Variants in ZNF404 observed in about 807,000 individuals in gnomAD.
The protein encoded by ZNF404 is zinc finger protein 404.
Under a neutral mutation model 7.3 loss-of-function variants are expected in ZNF404, and 7 were observed. The ratio of observed to expected loss-of-function variants is 0.95; its 90% CI spans 0.54 to 1.79. The LOEUF (loss-of-function observed/expected upper bound fraction) is 1.79. Ranked by LOEUF, ZNF404 falls within the 40% of genes most tolerant of loss-of-function variation. The pLI is 0.00. For missense variants in ZNF404, 560 were observed against 661.5 expected, an observed-to-expected ratio of 0.85 and a Z score of 1.68; for synonymous variants, 191 against 209.9, an observed-to-expected ratio of 0.91 and a Z score of 0.78.
In ZNF404 at chr19:43,875,493, A is replaced by G. The variant is rs535385222; in HGVS notation, c.137-1416T>C. 3.3e-5 allele frequency among the ~76,000 whole-genome samples: 5 copies of G among 152,302 alleles called. No individual in the cohort carries two copies. The East Asian group carries it at 9.6e-4, about 29-fold the overall frequency. ...TTTCAGGAATTGCACGAATTAATAT[A>G]TTGAAAGGCTTATCAAAGTCAAAGC... On this transcript the variant is annotated intron_variant, in intron 2 of 2. Transcript: ENST00000587539.
rs58002838 is a variant in ZNF404, at chr19:43,878,816, A to G, written c.136+1194T>C. Among the ~76,000 whole-genome samples, 70 of 152,336 alleles carry G rather than the reference A, an allele frequency of 4.6e-4. 1 individual carries two copies. In the East Asian group the frequency reaches 0.013, roughly 29 times the overall value. On this transcript the variant is annotated intron_variant, in intron 2 of 2. Coordinates refer to ENST00000587539, the MANE Select transcript of ZNF404 (RefSeq NM_001033719.3). ...AGCGTTTACAAAGAGGTAGCTGAGCATTATCAAACTGAAAACCAGCAGTGA... is the reference window on the plus strand; with the variant it reads ...AGCGTTTACAAAGAGGTAGCTGAGCGTTATCAAACTGAAAACCAGCAGTGA...
chr19:43,881,683 GCGATGGCTCACCCCTGTAATCCCAGCA>G (rs1415838337), intron 1 of ZNF404: 2 of 151,820 alleles, frequency 1.3e-5, no homozygotes, highest in Non-Finnish European at 2.9e-5. Flanking sequence ...GAGGCCAGGT[GCGATGGCTCACCCCTGTAATCCCAGCA>G]CTTTCGGAGG....
In ZNF404 at chr19:43,875,680, T is replaced by A. The variant is rs537529223; in HGVS notation, c.137-1603A>T. Among the ~76,000 whole-genome samples, 4 of 152,170 alleles carry A rather than the reference T, an allele frequency of 2.6e-5. No individual in the cohort carries two copies. The South Asian group carries it at 8.3e-4, about 32-fold the overall frequency. On this transcript the variant is annotated intron_variant, in intron 2 of 2. Transcript: ENST00000587539. ...TTTGAAATCTAATATGCTAAATGGG[T>A]CAAGTATTGAAAACAAGTGGAATTC...
intron 2 of ZNF404, among the ~76,000 whole-genome samples, chr19:43,877,065 G>T (rs1971854344): frequency 1.3e-5 from 2 of 152,070 alleles, no homozygotes; most frequent in Admixed American, 6.6e-5. Context: ...AAAATCTATA[G>T]TTTTGCTAAT....
Position 43,880,028 on chromosome 19 carries a change from T to C in ZNF404, c.118A>G (p.Thr40Ala). The change falls in exon 2 of 3, where the codon ACT becomes GCT. Residue 40 changes from threonine (T) to alanine (A), a missense_variant. Thr to Ala is a moderately conservative substitution (Grantham distance 58, BLOSUM62 0). Transcript: ENST00000587539. ...LYRDVMLENY[T>A]NLVSLDFNFT... is the part of the protein sequence containing the mutation. ...TTCTTACCCAATGAGACCAAGTTAG[T>C]ATAATTCTCCAACATCACATCTCTG... The C allele has an allele frequency of 6.2e-7, 1 of 1,613,760 alleles. No homozygotes were observed. Among genetic ancestry groups the C allele is most frequent in the Non-Finnish European group, 8.5e-7 (1 of 1,179,720 alleles).
At chr19:43,883,888 A>G in intron 1 of ZNF404, 68 bp downstream of exon 1, 1 of 1,562,752 alleles carries the variant, frequency 6.4e-7, no homozygotes, top group South Asian at 1.1e-5. Flanking sequence ...CAGGATTAAA[A>G]AAATGAAAAT....
intron 1 of ZNF404, among the ~76,000 whole-genome samples, chr19:43,882,432 T>C (rs1221249377): frequency 2.0e-5 from 3 of 152,138 alleles, no homozygotes; most frequent in Middle Eastern, 6.8e-3. Context: ...TACATAAGCT[T>C]GGGGTGAGGC....
At chr19:43,878,793 C>T (rs947323494) in intron 2 of ZNF404, among the ~76,000 whole-genome samples, 2 of 152,252 alleles carry the variant, frequency 1.3e-5, no homozygotes, top group African/African-American at 4.8e-5. Flanking sequence ...AAAAGAACAG[C>T]GTTTACAAAG....
intron 1 of ZNF404, among the ~76,000 whole-genome samples, chr19:43,880,807 G>T (rs1971889110): frequency 6.6e-6 from 1 of 152,134 alleles, no homozygotes; most frequent in African/African-American, 2.4e-5. Context: ...AACAAGAAAA[G>T]TACAAACCAA....
At position 43,876,594 on chromosome 19, in the gene ZNF404, C is replaced by A. The variant is rs1971851431; in HGVS notation, c.137-2517G>T. ...AAATGTACATGAAATGATGAATCTT[C>A]CTGAAAATAAAATTTATCAAAAGTG... On this transcript the variant is annotated intron_variant, in intron 2 of 2. Coordinates refer to ENST00000587539, the MANE Select transcript of ZNF404 (RefSeq NM_001033719.3). Among the ~76,000 whole-genome samples the A allele has an allele frequency of 2.0e-5, 3 of 152,030 alleles. No individual in the cohort carries two copies. The South Asian group carries it at 6.2e-4, about 32-fold the overall frequency.
chr19:43,879,484 T>G (rs960301467), intron 2 of ZNF404, among the ~76,000 whole-genome samples: 5 of 152,178 alleles, frequency 3.3e-5, no homozygotes, highest in African/African-American at 9.7e-5. Flanking sequence ...AGACTGCCCC[T>G]TCTGCATGGA....
chr19:43,879,826 G>C (rs960297020), intron 2 of ZNF404, among the ~76,000 whole-genome samples, 184 bp downstream of exon 2: 3 of 152,150 alleles, frequency 2.0e-5, no homozygotes, highest in Non-Finnish European at 4.4e-5. Context: ...TGAAGATTCA[G>C]GTGCTGAATG....
chr19:43,873,121 A>G lies in ZNF404; in HGVS notation c.1093T>C (p.Cys365Arg). 1 of 1,613,218 alleles carries G rather than the reference A, an allele frequency of 6.2e-7. No individual in the cohort carries two copies. The highest frequency in any genetic ancestry group is 8.5e-7 in the Non-Finnish European group (1 of 1,179,568). ...TGCTGTGTAAGTTGAGAGCCTCTACAAAAGGCCTTTCCACAATCCTTACAA... is the reference window on the plus strand; with the variant it reads ...TGCTGTGTAAGTTGAGAGCCTCTACGAAAGGCCTTTCCACAATCCTTACAA... ...YDCKDCGKAFCRGSQLTQHQR... is the reference protein window; with the variant it reads ...YDCKDCGKAFRRGSQLTQHQR... Residue 365 changes from cysteine (C) to arginine (R), a missense_variant, in exon 3 of 3, where the codon TGT becomes CGT. Cys to Arg is a radical substitution (Grantham distance 180). Transcript: ENST00000587539.
chr19:43,883,289 G>A (rs1330691740), intron 1 of ZNF404, among the ~76,000 whole-genome samples: 1 of 152,032 alleles, frequency 6.6e-6, no homozygotes, highest in African/African-American at 2.4e-5. Context: ...CATTCTAGTT[G>A]ATTTTCCTTT....
intron 1 of ZNF404, 24 bp from the exon 2 acceptor site, chr19:43,880,160 A>G: frequency 6.3e-7 from 1 of 1,581,316 alleles, no homozygotes; most frequent in Non-Finnish European, 8.6e-7. Context: ...CCTGTGTATT[A>G]TTTGTAAAAG....
chr19:43,876,072 C>T (rs911763844), intron 2 of ZNF404, among the ~76,000 whole-genome samples: 1 of 151,956 alleles, frequency 6.6e-6, no homozygotes, highest in Non-Finnish European at 1.5e-5. Context: ...GCCTGTAATC[C>T]CAGCACTTTG....
At chr19:43,883,909 T>C in intron 1 of ZNF404, 47 bp downstream of exon 1, 1 of 1,592,980 alleles carries the variant, frequency 6.3e-7, no homozygotes, top group Non-Finnish European at 8.5e-7. Flanking sequence ...ATTACATGAA[T>C]TAAAAAATCA....
Position 43,873,056 on chromosome 19 carries a change from T to C in ZNF404, c.1158A>G (p.Lys386=). The part of the protein sequence containing the change: ...IHTGEKPHEC[K]ECGKTFKLHS... Reference sequence around the variant, plus strand: ...GAAGCTTAAAAGTCTTCCCACATTCTTTACATTCATGTGGCTTCTCACCAG... The same window carrying C: ...GAAGCTTAAAAGTCTTCCCACATTCCTTACATTCATGTGGCTTCTCACCAG... Residue 386 remains lysine, a synonymous_variant, in exon 3 of 3, where the codon AAA becomes AAG. Transcript: ENST00000587539. The C allele has an allele frequency of 6.2e-7, 1 of 1,611,220 alleles. No homozygotes were observed. The highest frequency in any genetic ancestry group is 2.2e-5 in the East Asian group (1 of 44,830).
At chr19:43,874,121 TA>T in intron 2 of ZNF404, 44 bp from the exon 3 acceptor site, 2 of 1,303,262 alleles carry the variant, frequency 1.5e-6, no homozygotes, top group South Asian at 1.5e-5. Context: ...TTTCCAATAA[TA>T]GGGGTAGGGA....
Sources: allele counts gnomAD v4.1 joint callset (sites outside exome capture counted in the v4.1 genomes callset), GRCh38; gene constraint gnomAD v4.1.1; transcripts MANE v1.5; gene names NCBI Gene and HGNC (gene_info 2026-07-23, HGNC 2026-07-21).